The following KIAA0586 variants were observed in gnomAD, a reference collection of about 807,000 sequenced individuals.
KIAA0586 encodes KIAA0586.
Under a neutral mutation model 169.8 loss-of-function variants are expected in KIAA0586, and 144 were observed. The ratio of observed to expected loss-of-function variants is 0.85; its 90% CI spans 0.74 to 0.97. The LOEUF (loss-of-function observed/expected upper bound fraction) is 0.97. KIAA0586 is among the 50% of genes least tolerant of loss of function. The probability of loss-of-function intolerance (pLI) is 0.00; values close to 1 mark genes in which losing one functional copy is unlikely to be tolerated. For synonymous variants in KIAA0586, 625 were observed against 612.4 expected (o/e 1.02, Z -0.30); for missense variants, 1,854 against 1,823.0 (o/e 1.02, Z -0.31).
intron 11 of KIAA0586, among the ~76,000 whole-genome samples, chr14:58,458,260 A>G (rs1402664439): frequency 6.6e-6 from 1 of 152,144 alleles, no homozygotes; most frequent in African/African-American, 2.4e-5. Context: ...CAAATATTTG[A>G]TGAAAACTAA....
Position 58,459,992 on chromosome 14 carries a change from A to G in KIAA0586, c.1806A>G (p.Gln602=). The change falls in exon 13 of 31, where the codon CAA becomes CAG. Residue 602 remains glutamine, a synonymous_variant. Coordinates refer to ENST00000652326, the MANE Select transcript of KIAA0586 (RefSeq NM_001329943.3). ...CTGTAATTCCAAGAAAACATTCTCA[A>G]AAGCAAATAGAAGAGCATTTTAGAA... ...NKSVIPRKHS[Q]KQIEEHFRNL... The G allele has an allele frequency of 6.5e-7, 1 of 1,534,940 alleles. No homozygotes were observed. The highest frequency in any genetic ancestry group is 1.4e-5 in the African/African-American group (1 of 73,124).
At chr14:58,552,272 A>T (rs2047217199), downstream of KIAA0586, among the ~76,000 whole-genome samples, 1 of 152,182 alleles carries the variant, frequency 6.6e-6, no homozygotes, top group South Asian at 2.1e-4. Flanking sequence ...TGACCTAGGT[A>T]GGAGAATGAG....
At chr14:58,536,342 C>T (rs1241067146) in intron 29 of KIAA0586, among the ~76,000 whole-genome samples, 3 of 139,650 alleles carry the variant, frequency 2.1e-5, no homozygotes, top group Admixed American at 7.2e-5. Context: ...TATTTCTATC[C>T]GTATGTCCAT....
In KIAA0586 at chr14:58,428,467, T is replaced by C; in HGVS notation, c.199+4T>C. 3 of 1,585,908 alleles carry C rather than the reference T, an allele frequency of 1.9e-6. No homozygotes were observed. Among genetic ancestry groups the C allele is most frequent in the Non-Finnish European group, 2.6e-6 (3 of 1,155,410 alleles). ...AGTTTGAATGGAACATCACGTGGTA[T>C]GTGATTCCATGTAGTTTTTCAACCA... On this transcript the variant is annotated splice_donor_region_variant and intron_variant, in intron 1 of 30. Coordinates refer to ENST00000652326, the MANE Select transcript of KIAA0586 (RefSeq NM_001329943.3).
chr14:58,475,583 T>C lies in KIAA0586; in HGVS notation c.2825+786T>C, dbSNP rs903445940. On this transcript the variant is annotated intron_variant, in intron 19 of 30. Transcript: ENST00000652326. The stretch of plus-strand genomic sequence containing the variant: ...TTGTTACATATTACAATAACAATTG[T>C]AACTTGTTACATATGAATATGAAAT... 3.3e-5 allele frequency among the ~76,000 whole-genome samples: 5 copies of C among 152,178 alleles called. No individual in the cohort carries two copies. The East Asian group carries it at 9.6e-4, about 29-fold the overall frequency.
At chr14:58,493,238 T>A (rs1172438726) in intron 26 of KIAA0586, among the ~76,000 whole-genome samples, 2 of 152,154 alleles carry the variant, frequency 1.3e-5, no homozygotes, top group South Asian at 2.1e-4. Flanking sequence ...AGCTTTTTTT[T>A]AAGGATAATC....
chr14:58,458,516 T>G lies in KIAA0586; in HGVS notation c.1627T>G (p.Trp543Gly). ...TAGGATCAGAAAGACAGTGGATGAATGGATTAAAACTATTTCTGCAGAAAT... is the reference window on the plus strand; with the variant it reads ...TAGGATCAGAAAGACAGTGGATGAAGGGATTAAAACTATTTCTGCAGAAAT... ...KIRIRKTVDE[W>G]IKTISAEIQD... The change falls in exon 12 of 31, where the codon TGG (tryptophan) becomes GGG (glycine). Residue 543 changes from tryptophan (W) to glycine (G), a missense_variant. Trp to Gly is a radical substitution (Grantham distance 184, BLOSUM62 -2). Coordinates refer to ENST00000652326, the MANE Select transcript of KIAA0586 (RefSeq NM_001329943.3). 6.5e-7 allele frequency: 1 copy of G among 1,544,328 alleles called. No individual in the cohort carries two copies. The highest frequency in any genetic ancestry group is 1.2e-5 in the South Asian group (1 of 81,992).
At chr14:58,561,559 T>C in the KIAA0586 span, among the ~76,000 whole-genome samples, 14 of 152,216 alleles carry the variant, frequency 9.2e-5, no homozygotes, top group Non-Finnish European at 2.1e-4. Flanking sequence ...CATACTTTCT[T>C]TTTTCATTTT....
intron 15 of KIAA0586, among the ~76,000 whole-genome samples, chr14:58,467,314 T>C (rs2098675496): frequency 6.6e-6 from 1 of 152,194 alleles, no homozygotes; most frequent in South Asian, 2.1e-4. Context: ...TGTCAAAGGC[T>C]ACACAGCTAG....
downstream of KIAA0586, among the ~76,000 whole-genome samples, chr14:58,554,827 A>T (rs2047233894): frequency 6.6e-6 from 1 of 152,164 alleles, no homozygotes; most frequent in Non-Finnish European, 1.5e-5. Context: ...GTATGAAAAG[A>T]CTTCAGGCCA....
At chr14:58,557,115 C>T in the KIAA0586 span, among the ~76,000 whole-genome samples, 2 of 152,214 alleles carry the variant, frequency 1.3e-5, no homozygotes, top group African/African-American at 4.8e-5. Flanking sequence ...ATTAATTCTA[C>T]TGTTGATGGA....
intron 30 of KIAA0586, among the ~76,000 whole-genome samples, chr14:58,542,520 T>C (rs79606929): frequency 0.012 from 1,870 of 152,228 alleles, 44 homozygotes; most frequent in African/African-American, 0.043. Context: ...CAAATACCTT[T>C]TGATAAGATG....
chr14:58,445,803 A>C (rs1408599149), intron 6 of KIAA0586, among the ~76,000 whole-genome samples: 6 of 34,078 alleles, frequency 1.8e-4, no homozygotes, highest in Non-Finnish European at 4.7e-4. Flanking sequence ...TTTTTTTTTG[A>C]GTGAGTGAGG....
chr14:58,547,470 T>G (rs2047052938), intron 30 of KIAA0586, among the ~76,000 whole-genome samples: 1 of 152,144 alleles, frequency 6.6e-6, no homozygotes, highest in South Asian at 2.1e-4. Context: ...AGAAGTTAAG[T>G]CTGGATTTCA....
At chr14:58,479,716 A>G (rs1435517818) in intron 20 of KIAA0586, among the ~76,000 whole-genome samples, 1 of 152,172 alleles carries the variant, frequency 6.6e-6, no homozygotes, top group Non-Finnish European at 1.5e-5. Context: ...GTAAGGATCA[A>G]GTTCTTTTTT....
chr14:58,517,523 G>A (rs1250907070), intron 29 of KIAA0586, among the ~76,000 whole-genome samples: 1 of 152,148 alleles, frequency 6.6e-6, no homozygotes, highest in Non-Finnish European at 1.5e-5. Flanking sequence ...ATTGCTGGTG[G>A]GAATGCAGAA....
chr14:58,452,940 G>A (rs1239769692), intron 8 of KIAA0586, among the ~76,000 whole-genome samples: 2 of 147,306 alleles, frequency 1.4e-5, no homozygotes, highest in South Asian at 2.1e-4. Context: ...TTTTTGAGAT[G>A]GAGTTTCACT....
chr14:58,489,323 G>A (rs993502891), intron 24 of KIAA0586, among the ~76,000 whole-genome samples: 1 of 148,762 alleles, frequency 6.7e-6, no homozygotes, highest in Non-Finnish European at 1.5e-5. Flanking sequence ...GGGCTCAAGT[G>A]ATACTCCCAC....
chr14:58,528,893 TAAAA>T (rs1040669670), intron 29 of KIAA0586, among the ~76,000 whole-genome samples: 1 of 151,806 alleles, frequency 6.6e-6, no homozygotes, highest in Non-Finnish European at 1.5e-5. Context: ...ACAAAACCCT[TAAAA>T]AAATCAATGA....
Sources: allele counts gnomAD v4.1 joint callset (sites outside exome capture counted in the v4.1 genomes callset), GRCh38; gene constraint gnomAD v4.1.1; transcripts MANE v1.5; gene names NCBI Gene and HGNC (gene_info 2026-07-23, HGNC 2026-07-21).